Variants in ADGRG1 observed in about 807,000 individuals in gnomAD.
ADGRG1 encodes 7-transmembrane protein with no EGF-like N-terminal domains-1.
A neutral mutation model predicts 73.5 loss-of-function variants in ADGRG1; 53 were observed. That is an observed-to-expected ratio of 0.72 (90% CI 0.58 to 0.91). The LOEUF (loss-of-function observed/expected upper bound fraction) is 0.91, where lower values mean the gene tolerates loss of function less well. Among genes scored for constraint, ADGRG1 ranks in the 40% least tolerant of loss-of-function variants. The pLI, the probability that ADGRG1 is intolerant of heterozygous loss-of-function variation, is 0.00. For synonymous variants in ADGRG1, 394 were observed against 374.4 expected (o/e 1.05, Z -0.60); for missense variants, 795 against 871.8 (o/e 0.91, Z 1.11).
intron 11 of ADGRG1, chr16:57,660,193 GT>G: frequency 2.1e-6 from 2 of 958,994 alleles, no homozygotes; most frequent in Non-Finnish European, 2.5e-6. Flanking sequence ...CCACAAGTCT[GT>G]TTGGACATTG....
At chr16:57,636,559 C>T (rs548883404) in intron 1 of ADGRG1, 443 of 985,286 alleles carry the variant, frequency 4.5e-4, no homozygotes, top group Middle Eastern at 2.1e-3. Context: ...TCTCCATCCC[C>T]TATCCCCTAC....
In ADGRG1 at chr16:57,628,720, C is replaced by G. The variant is rs28364782; in HGVS notation, c.-118C>G. ...ACTCGGCAGGCAGCGGGGACCAGGG[C>G]TGGCAGGTTAAGCCTCTGGGGGTGG... On this transcript the variant is annotated 5_prime_UTR_variant, in exon 1 of 14. Transcript: ENST00000562631. 16,011 of 985,510 alleles carry G rather than the reference C, an allele frequency of 0.016. 315 individuals carry two copies. The East Asian group carries it at 0.18, about 11-fold the overall frequency. 61.0% of individuals were successfully genotyped at this position (985,510 alleles called of 1,614,324 possible).
At chr16:57,650,189 C>T in intron 1 of ADGRG1, 64 bp from the exon 2 acceptor site, 10 of 1,568,808 alleles carry the variant, frequency 6.4e-6, no homozygotes, top group Non-Finnish European at 8.7e-6. Context: ...GCCTCCTCTT[C>T]TGCAGGGCCA....
chr16:57,635,023 G>A (rs1201052456), intron 1 of ADGRG1: 36 of 985,176 alleles, frequency 3.7e-5, no homozygotes, highest in Non-Finnish European at 4.0e-5. Context: ...TGGATGGGAG[G>A]GAGCAGAGGG....
At chr16:57,650,190 T>C in intron 1 of ADGRG1, 63 bp from the exon 2 acceptor site, 1 of 1,570,358 alleles carries the variant, frequency 6.4e-7, no homozygotes, top group East Asian at 2.3e-5. Context: ...CCTCCTCTTC[T>C]GCAGGGCCAG....
At chr16:57,634,903 C>A (rs1448026785) in intron 1 of ADGRG1, 2 of 957,326 alleles carry the variant, frequency 2.1e-6, no homozygotes, top group African/African-American at 3.5e-5. Context: ...TATCTAGAAA[C>A]CCTCTTCATA....
In ADGRG1 at chr16:57,663,022, G is replaced by A. The variant is rs2047621938; in HGVS notation, c.1934-430G>A. ...GATGAGGGGACTCAGGATTGTAAGT[G>A]AGGCCCATACATTCACACAGACATT... On this transcript the variant is annotated intron_variant, in intron 13 of 13. Coordinates refer to ENST00000562631, the MANE Select transcript of ADGRG1 (RefSeq NM_201525.4). 7.1e-6 allele frequency: 7 copies of A among 985,212 alleles called. No individual in the cohort carries two copies. The South Asian group carries it at 2.8e-4, about 40-fold the overall frequency. The allele number at this position is 985,212 out of a possible 1,614,324, so 61.0% of individuals were successfully genotyped here.
intron 1 of ADGRG1, among the ~76,000 whole-genome samples, chr16:57,629,762 GC>G (rs1260367814): frequency 1.3e-5 from 2 of 152,176 alleles, no homozygotes; most frequent in African/African-American, 4.8e-5. Flanking sequence ...GGCTCCATCT[GC>G]CTGGCACTGA....
chr16:57,642,636 G>A, intron 1 of ADGRG1: 1 of 984,542 alleles, frequency 1.0e-6, no homozygotes, highest in Non-Finnish European at 1.2e-6. Context: ...TGGCCCACAA[G>A]CATTTCTCTA....
rs2148475367 is a variant in ADGRG1 at position 57,657,453 on chromosome 16, G to C, written c.1248G>C (p.Leu416=). 1 of 1,614,006 alleles carries C rather than the reference G, an allele frequency of 6.2e-7. No homozygotes were observed. Residue 416 remains leucine (L), a synonymous_variant, in exon 10 of 14, where the codon CTG becomes CTC. Transcript: ENST00000562631. ...ACGTGGGCTGTGTCGTCTCTGCCCT[G>C]GCCTGCCTTGTCACCATTGCCGCCT... ...LSYVGCVVSA[L]ACLVTIAAYL...
At position 57,651,308 on chromosome 16, in the gene ADGRG1, TC is replaced by T; in HGVS notation, c.174del (p.Ile58MetfsTer55). The T allele has an allele frequency of 6.2e-7, 1 of 1,614,136 alleles. No homozygotes were observed. The highest frequency in any genetic ancestry group is 8.5e-7 in the Non-Finnish European group (1 of 1,180,014). ...CCCACACCAGACCTGCGCATCTCCA[TC>T]GAGAACTCCGAAGAGGCCCTCACAG... is the stretch of plus-strand genomic sequence containing the variant. ...YKPTPDLRIS[I>X]ENSEEALTVH... On this transcript the variant is annotated frameshift_variant, in exon 3 of 14. Transcript: ENST00000562631. LOFTEE classifies it high-confidence loss of function.
chr16:57,657,250 G>C, intron 9 of ADGRG1, 123 bp from the exon 10 acceptor site: 1 of 1,403,466 alleles, frequency 7.1e-7, no homozygotes, highest in East Asian at 2.3e-5. Flanking sequence ...TGCTCAGTTG[G>C]GAGAGGGGGT....
chr16:57,623,115 C>G, upstream of ADGRG1: 12 of 972,830 alleles, frequency 1.2e-5, no homozygotes, highest in Non-Finnish European at 1.5e-5. Flanking sequence ...GAGTCTCAGT[C>G]TTCTCCTCTC....
intron 1 of ADGRG1, chr16:57,647,475 C>T (rs1416223267): frequency 3.1e-6 from 3 of 977,276 alleles, no homozygotes; most frequent in East Asian, 1.1e-4. Flanking sequence ...CTGATGGCAC[C>T]TGCCTCTAAG....
intron 1 of ADGRG1, among the ~76,000 whole-genome samples, chr16:57,632,596 A>G (rs1355092579): frequency 6.6e-6 from 1 of 152,048 alleles, no homozygotes; most frequent in Non-Finnish European, 1.5e-5. Flanking sequence ...CTGCTGGGAG[A>G]GCTGCGGCCA....
chr16:57,662,438 G>A (rs893710171), intron 13 of ADGRG1, among the ~76,000 whole-genome samples: 13 of 152,120 alleles, frequency 8.5e-5, no homozygotes, highest in South Asian at 4.1e-4. Flanking sequence ...CTCCAGGCGC[G>A]GTCCACAGAC....
chr16:57,657,275 G>A (rs1413274991), intron 9 of ADGRG1, 98 bp from the exon 10 acceptor site: 14 of 1,587,246 alleles, frequency 8.8e-6, no homozygotes, highest in Non-Finnish European at 9.5e-6. Flanking sequence ...AGGCTTCCGA[G>A]GCCCACCAGG....
intron 1 of ADGRG1, among the ~76,000 whole-genome samples, chr16:57,649,576 T>A (rs1478897799): frequency 2.6e-5 from 4 of 151,988 alleles, no homozygotes; most frequent in African/African-American, 7.2e-5. Context: ...TTTTCTGTGT[T>A]CCCTCCGGGC....
chr16:57,660,866 T>C lies in ADGRG1; in HGVS notation c.1654T>C (p.Tyr552His), dbSNP rs760135666. Residue 552 changes from tyrosine to histidine, a missense_variant, in exon 12 of 14, where the codon TAC (tyrosine) becomes CAC (histidine). Physicochemically the swap from Tyr to His is moderately conservative, Grantham distance 83. Transcript: ENST00000562631. Reference sequence around the variant, plus strand: ...GCATAGGACTCCAGAGGGCGTCATCTACCCTTCCATGTGAGTGGCTGTGTG... The same window carrying C: ...GCATAGGACTCCAGAGGGCGTCATCCACCCTTCCATGTGAGTGGCTGTGTG... ...AVHRTPEGVI[Y>H]PSMCWIRDSL... 1.1e-5 allele frequency: 18 copies of C among 1,579,684 alleles called. No individual in the cohort carries two copies. The South Asian group carries it at 2.0e-4, about 17-fold the overall frequency.
Sources: allele counts gnomAD v4.1 joint callset (sites outside exome capture counted in the v4.1 genomes callset), GRCh38; gene constraint gnomAD v4.1.1; transcripts MANE v1.5; gene names NCBI Gene and HGNC (gene_info 2026-07-23, HGNC 2026-07-21).